ZNF236: variants seen among roughly 807,000 people sequenced by gnomAD.
ZNF236 encodes the protein zinc finger protein 236, also known as regulated by glucose.
Under a neutral mutation model 191.2 loss-of-function variants are expected in ZNF236, and 50 were observed. The observed-to-expected ratio is 0.26, with a 90% CI of 0.21 to 0.33. ZNF236 has a LOEUF of 0.33. Ranked by LOEUF, ZNF236 falls within the 10% of genes least tolerant of loss-of-function variation. The pLI is 1.00. For synonymous variants in ZNF236, 907 were observed against 928.8 expected (o/e 0.98, Z 0.43); for missense variants, 1,754 against 2,374.5 (o/e 0.74, Z 5.43).
At chr18:76,871,419 G>C (rs1432015081) in intron 4 of ZNF236, among the ~76,000 whole-genome samples, 1 of 152,168 alleles carries the variant, frequency 6.6e-6, no homozygotes, top group Non-Finnish European at 1.5e-5. Context: ...ACCATCACAG[G>C]TAAAGCTTTG....
At position 76,967,768 on chromosome 18, in the gene ZNF236, C is replaced by T. The variant is rs561920624; in HGVS notation, c.5420-447C>T. On this transcript the variant is annotated intron_variant, in intron 30 of 30. Coordinates refer to ENST00000320610, the MANE Select transcript of ZNF236 (RefSeq NM_001306089.2). ...AGGTGTTCTTTGGTTGTTTGAGGTG[C>T]GGTACTTTGTGAGGGGAGCTCGACG... Among the ~76,000 whole-genome samples, 26 of 151,380 alleles carry T rather than the reference C, an allele frequency of 1.7e-4. No homozygotes were observed. The East Asian group carries it at 4.9e-3, about 28-fold the overall frequency.
intron 2 of ZNF236, among the ~76,000 whole-genome samples, chr18:76,851,083 A>G (rs922727435): frequency 2.0e-5 from 3 of 148,356 alleles, no homozygotes; most frequent in African/African-American, 7.4e-5. Flanking sequence ...CAATGAATAG[A>G]AGAGTTTGAC....
Position 76,851,040 on chromosome 18 carries a change from T to A in ZNF236, c.199-735T>A, listed in dbSNP as rs1337251822. ...AGCTTTTTCTTTCTTTTTTTTTTTTTAAAAAAAAGCTTCATCATAAACTCT... is the reference window on the plus strand; with the variant it reads ...AGCTTTTTCTTTCTTTTTTTTTTTTAAAAAAAAAGCTTCATCATAAACTCT... On this transcript the variant is annotated intron_variant, in intron 2 of 30. Coordinates refer to ENST00000320610, the MANE Select transcript of ZNF236 (RefSeq NM_001306089.2). Among the ~76,000 whole-genome samples, 218 of 129,722 alleles carry A rather than the reference T, an allele frequency of 1.7e-3. 1 individual carries two copies. Among genetic ancestry groups the A allele is most frequent in the South Asian group, 2.9e-3 (11 of 3,740 alleles). 85.1% of individuals were successfully genotyped at this position (129,722 alleles called of 152,430 possible). A position where few individuals can be genotyped will look rare whatever the true frequency, so the allele number is the denominator to read the frequency against.
At chr18:76,862,158 C>T (rs955848928) in intron 3 of ZNF236, among the ~76,000 whole-genome samples, 1 of 152,134 alleles carries the variant, frequency 6.6e-6, no homozygotes, top group Non-Finnish European at 1.5e-5. Context: ...CCACCCTGCC[C>T]GGCCTGGGTT....
At chr18:76,955,218 G>T (rs1046235788) in intron 27 of ZNF236, among the ~76,000 whole-genome samples, 1 of 152,092 alleles carries the variant, frequency 6.6e-6, no homozygotes, top group African/African-American at 2.4e-5. Context: ...GACCAACCTA[G>T]GCAACATAGG....
At chr18:76,907,447 G>A (rs1389093662) in intron 13 of ZNF236, among the ~76,000 whole-genome samples, 1 of 152,192 alleles carries the variant, frequency 6.6e-6, no homozygotes, top group Non-Finnish European at 1.5e-5. Context: ...TCCTGCCTCA[G>A]CCTCCCAAGT....
intron 1 of ZNF236, among the ~76,000 whole-genome samples, chr18:76,826,212 A>G (rs936884995): frequency 1.3e-4 from 19 of 151,536 alleles, no homozygotes; most frequent in Non-Finnish European, 2.2e-4. Flanking sequence ...CCCGGGTTCA[A>G]GCAATTCTCC....
At chr18:76,886,906 C>A in intron 9 of ZNF236, 1 of 201,474 alleles carries the variant, frequency 5.0e-6, no homozygotes, top group Non-Finnish European at 1.1e-5. Flanking sequence ...CTTGTTTCAG[C>A]AGCTTCTAGT....
At chr18:76,913,968 T>C in intron 18 of ZNF236, 70 bp downstream of exon 18, 1 of 1,519,260 alleles carries the variant, frequency 6.6e-7, no homozygotes, top group Non-Finnish European at 9.1e-7. Flanking sequence ...ATAATCCATA[T>C]ACCATTCAGT....
intron 13 of ZNF236, among the ~76,000 whole-genome samples, chr18:76,907,355 G>A (rs112352772): frequency 2.1e-4 from 32 of 152,274 alleles, no homozygotes; most frequent in African/African-American, 7.7e-4. Context: ...TGTGTGTGTG[G>A]GTGTTTTTGT....
rs2122827983 is a variant in ZNF236 at position 76,925,105 on chromosome 18, C to T, written c.3662-84C>T. On this transcript the variant is annotated intron_variant, in intron 21 of 30. Transcript: ENST00000320610. This position sits in a 1 kb window ranked among gnomAD's most constrained non-coding sequence, Gnocchi z 5.7. Reference sequence around the variant, plus strand: ...TCCATCCACTGATTCAACATATTTACATCCATAGTGACAGCTGAGTGGGGT... The same window carrying T: ...TCCATCCACTGATTCAACATATTTATATCCATAGTGACAGCTGAGTGGGGT... 6.5e-7 allele frequency: 1 copy of T among 1,537,408 alleles called. No individual in the cohort carries two copies. Among genetic ancestry groups the T allele is most frequent in the Non-Finnish European group, 8.7e-7 (1 of 1,143,558 alleles).
chr18:76,822,830 C>G (rs1974893797), intron 1 of ZNF236, among the ~76,000 whole-genome samples, 168 bp downstream of exon 1: 1 of 146,298 alleles, frequency 6.8e-6, no homozygotes. Context: ...GGCCGCAGCG[C>G]GGGCGGAATG....
intron 30 of ZNF236, among the ~76,000 whole-genome samples, chr18:76,962,135 G>A (rs1028580052): frequency 6.6e-6 from 1 of 151,874 alleles, no homozygotes; most frequent in Non-Finnish European, 1.5e-5. Flanking sequence ...GGTCCTCGCC[G>A]AAGCCAATGT....
At chr18:76,948,651 G>T (rs1053645095) in intron 27 of ZNF236, among the ~76,000 whole-genome samples, 7 of 152,170 alleles carry the variant, frequency 4.6e-5, no homozygotes, top group Non-Finnish European at 5.9e-5. Flanking sequence ...GAGGTCACAC[G>T]GACACTGCTG....
At chr18:76,856,194 CTT>C (rs553661574) in intron 3 of ZNF236, among the ~76,000 whole-genome samples, 10 of 144,664 alleles carry the variant, frequency 6.9e-5, no homozygotes, top group African/African-American at 1.0e-4. Context: ...ATTTTCTTTT[CTT>C]TTTTTTTTTT....
chr18:76,959,923 A>G lies in ZNF236; in HGVS notation c.5242+107A>G, dbSNP rs572115530. On this transcript the variant is annotated intron_variant, in intron 29 of 30. Coordinates refer to ENST00000320610, the MANE Select transcript of ZNF236 (RefSeq NM_001306089.2). ...ATATTCACGAGCGATGGAATGCTTT[A>G]TTTATAAAGCAAGGTCCACATGTTC... is the stretch of plus-strand genomic sequence containing the variant. 1,094 of 1,333,712 alleles carry G rather than the reference A, an allele frequency of 8.2e-4. 21 individuals are homozygous for G. The South Asian group carries it at 0.016, about 19-fold the overall frequency. 82.6% of individuals were successfully genotyped at this position (1,333,712 alleles called of 1,614,324 possible).
At chr18:76,959,941 A>G in intron 29 of ZNF236, 125 bp downstream of exon 29, 2 of 1,178,170 alleles carry the variant, frequency 1.7e-6, no homozygotes. Flanking sequence ...AGCAAGGTCC[A>G]CATGTTCCAT....
At chr18:76,951,265 T>C (rs1968400383) in intron 27 of ZNF236, among the ~76,000 whole-genome samples, 1 of 152,238 alleles carries the variant, frequency 6.6e-6, no homozygotes, top group Non-Finnish European at 1.5e-5. Flanking sequence ...TCTGTAGCTA[T>C]GAAAGTCCTA....
At chr18:76,907,707 T>C (rs945716570) in intron 13 of ZNF236, among the ~76,000 whole-genome samples, 3 of 152,160 alleles carry the variant, frequency 2.0e-5, no homozygotes, top group Middle Eastern at 3.4e-3. Context: ...TTTTTTTTTT[T>C]TTTCAAGTTC....
Sources: allele counts gnomAD v4.1 joint callset (sites outside exome capture counted in the v4.1 genomes callset), GRCh38; gene constraint gnomAD v4.1.1; non-coding constraint Gnocchi (gnomAD v3.1); transcripts MANE v1.5; gene names NCBI Gene and HGNC (gene_info 2026-07-23, HGNC 2026-07-21).